The following MEAK7 variants were observed in gnomAD, a reference collection of about 807,000 sequenced individuals.
MEAK7 encodes MTOR-associated protein MEAK7.
Under a neutral mutation model 40.5 loss-of-function variants are expected in MEAK7, and 68 were observed. The observed-to-expected ratio is 1.68, with a 90% confidence interval of 1.38 to 2.06. MEAK7 has a LOEUF of 2.06. Ranked by LOEUF, MEAK7 falls within the 30% of genes most tolerant of loss-of-function variation. The pLI is 0.00. For synonymous variants in MEAK7, 338 were observed against 231.9 expected, an observed-to-expected ratio of 1.46 and a Z score of -4.16; for missense variants, 918 against 580.5, an observed-to-expected ratio of 1.58 and a Z score of -5.98.
intron 3 of MEAK7, among the ~76,000 whole-genome samples, chr16:84,490,597 A>C (rs1018185085): frequency 1.3e-5 from 2 of 150,478 alleles, no homozygotes; most frequent in Non-Finnish European, 3.0e-5. Context: ...AAAGATTTAA[A>C]ATGATTTTTT....
rs1912171366 is a variant in MEAK7 at position 84,477,666 on chromosome 16, G to C, written c.*2247C>G. On this transcript the variant is annotated 3_prime_UTR_variant, in exon 8 of 8. Coordinates refer to ENST00000343629, the MANE Select transcript of MEAK7 (RefSeq NM_020947.4). The stretch of plus-strand genomic sequence containing the variant: ...GGGAGACCTCTAGTCCTTAGAACCT[G>C]AATTCTCATTCTGGTTTCACAAAAG... The C allele has an allele frequency of 6.6e-6, 1 of 151,802 alleles. No homozygotes were observed. Among genetic ancestry groups the C allele is most frequent in the Non-Finnish European group, 1.5e-5 (1 of 68,014 alleles). The allele number at this position is 151,802 out of a possible 1,614,324, so 9.4% of individuals were successfully genotyped here. A position where few individuals can be genotyped will look rare whatever the true frequency, so the allele number is the denominator to read the frequency against.
At chr16:84,482,746 G>A (rs1367346520) in intron 5 of MEAK7, 36 bp from the exon 6 acceptor site, 3 of 1,611,804 alleles carry the variant, frequency 1.9e-6, no homozygotes, top group African/African-American at 1.3e-5. Context: ...AACAGGGTCG[G>A]TGTCTGAGCC....
rs1474569455 is a variant in MEAK7, at chr16:84,479,679, G to A, written c.*234C>T. On this transcript the variant is annotated 3_prime_UTR_variant, in exon 8 of 8. Coordinates refer to ENST00000343629, the MANE Select transcript of MEAK7 (RefSeq NM_020947.4). ...AAGATTTCTTGGAGAGATCCTGAGG[G>A]TGACCCTGTAGGGAAAAAAAGAAAA... 2 of 382,040 alleles carry A rather than the reference G, an allele frequency of 5.2e-6. No individual in the cohort carries two copies. Among genetic ancestry groups the A allele is most frequent in the Non-Finnish European group, 9.3e-6 (2 of 215,148 alleles). The allele number at this position is 382,040 out of a possible 1,614,324, so 23.7% of individuals were successfully genotyped here. A position where few individuals can be genotyped will look rare whatever the true frequency, so the allele number is the denominator to read the frequency against.
intron 2 of MEAK7, chr16:84,497,450 T>C: frequency 7.8e-7 from 1 of 1,289,588 alleles, no homozygotes; most frequent in Non-Finnish European, 1.0e-6. Flanking sequence ...ACCTGACACG[T>C]CATGGTTCCT....
At position 84,480,507 on chromosome 16, in the gene MEAK7, T is replaced by C. The variant is rs761231768; in HGVS notation, c.1257+22A>G. ...CCAGGCTCAAGGGGCCATCCTGGGA[T>C]GCAGAGGACAGCTCCACTCACCAAC... On this transcript the variant is annotated intron_variant, in intron 7 of 7. Coordinates refer to ENST00000343629, the MANE Select transcript of MEAK7 (RefSeq NM_020947.4). 5 of 1,578,036 alleles carry C rather than the reference T, an allele frequency of 3.2e-6. No homozygotes were observed. The Admixed American group carries it at 9.1e-5, about 29-fold the overall frequency.
At chr16:84,482,998 G>C (rs1050632904) in intron 5 of MEAK7, among the ~76,000 whole-genome samples, 1 of 152,208 alleles carries the variant, frequency 6.6e-6, no homozygotes, top group Admixed American at 6.5e-5. Context: ...ATCAGTTCAG[G>C]CTGGCCAAGC....
Position 84,494,253 on chromosome 16 carries a change from G to C in MEAK7, c.384+1430C>G, listed in dbSNP as rs73249757. Among the ~76,000 whole-genome samples, 1,270 of 152,228 alleles carry C rather than the reference G, an allele frequency of 8.3e-3. 20 individuals are homozygous for C. The highest frequency in any genetic ancestry group is 0.028 in the African/African-American group (1,157 of 41,524). ...GTCCTACTATGATTTTGTCTTTAAT[G>C]AAAGTGGGGAACTGAAGAGAGAAAA... On this transcript the variant is annotated intron_variant, in intron 3 of 7. Transcript: ENST00000343629.
At position 84,486,748 on chromosome 16, in the gene MEAK7, G is replaced by A. The variant is rs755637814; in HGVS notation, c.841C>T (p.Gln281Ter). 1.9e-6 allele frequency: 3 copies of A among 1,614,038 alleles called. No homozygotes were observed. The highest frequency in any genetic ancestry group is 1.1e-5 in the South Asian group (1 of 91,078). Reference protein sequence around the residue: ...SSELHGHSFSQLCGHITHRGP... With the variant: ...SSELHGHSFS ...CGGTGAGTGATGTGGCCACAGAGCTGGGAGAAGCTGTGTCCATGGAGCTCA... is the reference window on the plus strand; with the variant it reads ...CGGTGAGTGATGTGGCCACAGAGCTAGGAGAAGCTGTGTCCATGGAGCTCA... The change falls in exon 5 of 8, where the codon CAG becomes TAG. Residue 281 changes from glutamine (Q) to a stop codon, truncating the protein, a stop_gained. Transcript: ENST00000343629. LOFTEE classifies it high-confidence loss of function.
chr16:84,488,797 G>A (rs1380061292), intron 4 of MEAK7, among the ~76,000 whole-genome samples: 2 of 152,198 alleles, frequency 1.3e-5, no homozygotes, highest in African/African-American at 4.8e-5. Context: ...AGGCAGTGCT[G>A]AAAGGGAAAT....
intron 5 of MEAK7, among the ~76,000 whole-genome samples, chr16:84,485,663 C>T (rs77409714): frequency 0.011 from 1,619 of 149,726 alleles, 16 homozygotes; most frequent in Non-Finnish European, 0.017. Flanking sequence ...TCCATCCATC[C>T]ATCTATCTAC....
rs1255259621 is a variant in MEAK7 at position 84,489,330 on chromosome 16, G to T, written c.477C>A (p.Asn159Lys). ...GAGCAGCCAGCACCTGCACCCGGGG[G>T]TTGGGCCCTGGGGCTTCCTTCCCAG... ...GWTGKEAPGP[N>K]PRVQVLAAQL... The change falls in exon 4 of 8, where the codon AAC (asparagine) becomes AAA (lysine). Residue 159 changes from asparagine to lysine, a missense_variant. By Grantham distance (94) the Asn-to-Lys change is moderately conservative (BLOSUM62 0). Transcript: ENST00000343629. 4 of 1,614,176 alleles carry T rather than the reference G, an allele frequency of 2.5e-6. No homozygotes were observed. The highest frequency in any genetic ancestry group is 3.4e-6 in the Non-Finnish European group (4 of 1,180,028).
At chr16:84,498,859 T>TG (rs1412374722) in intron 1 of MEAK7, among the ~76,000 whole-genome samples, 1 of 152,208 alleles carries the variant, frequency 6.6e-6, no homozygotes, top group Non-Finnish European at 1.5e-5. Flanking sequence ...ACACACTAGT[T>TG]GGGAAGTTTT....
intron 4 of MEAK7, chr16:84,488,031 A>T (rs1320178774): frequency 1.3e-5 from 2 of 152,222 alleles, no homozygotes; most frequent in African/African-American, 4.8e-5. Flanking sequence ...TAAGCAGGAA[A>T]TGTAAAAGTA....
chr16:84,488,604 A>G (rs1913294512), intron 4 of MEAK7, among the ~76,000 whole-genome samples: 1 of 152,232 alleles, frequency 6.6e-6, no homozygotes, highest in Non-Finnish European at 1.5e-5. Context: ...CTCTAAACAT[A>G]ATGAAATATA....
At chr16:84,480,313 C>A (rs780141342) in intron 7 of MEAK7, among the ~76,000 whole-genome samples, 2 of 152,120 alleles carry the variant, frequency 1.3e-5, no homozygotes. Context: ...CTTGGGGAAC[C>A]CCCCTTCCCA....
Position 84,482,598 on chromosome 16 carries a change from G to C in MEAK7, c.1071C>G (p.Asn357Lys), listed in dbSNP as rs62640938. The change falls in exon 6 of 8, where the codon AAC (asparagine) becomes AAG (lysine). Residue 357 changes from asparagine to lysine, a missense_variant. By Grantham distance (94) the Asn-to-Lys change is moderately conservative. Coordinates refer to ENST00000343629, the MANE Select transcript of MEAK7 (RefSeq NM_020947.4). ...ACGCTCTGCCCGGGCTCACCAGTCCGTTCGGGATCGTCTGCTGTCCATGGT... is the reference window on the plus strand; with the variant it reads ...ACGCTCTGCCCGGGCTCACCAGTCCCTTCGGGATCGTCTGCTGTCCATGGT... Reference protein sequence around the residue: ...YLNHGQQTIPNGLGMGGQHNY... With the variant: ...YLNHGQQTIPKGLGMGGQHNY... 1.5e-5 allele frequency: 25 copies of C among 1,614,068 alleles called. No individual in the cohort carries two copies. The highest frequency in any genetic ancestry group is 2.1e-5 in the Non-Finnish European group (25 of 1,180,012).
At chr16:84,483,913 C>A (rs1343091916) in intron 5 of MEAK7, among the ~76,000 whole-genome samples, 1 of 152,184 alleles carries the variant, frequency 6.6e-6, no homozygotes, top group Non-Finnish European at 1.5e-5. Flanking sequence ...CCACTGGAAC[C>A]AGCTAAGTGA....
intron 5 of MEAK7, 87 bp downstream of exon 5, chr16:84,486,544 C>T: frequency 6.7e-7 from 1 of 1,500,616 alleles, no homozygotes; most frequent in East Asian, 2.3e-5. Context: ...TGGGAGAGCC[C>T]TATTTAGCAC....
In MEAK7 at chr16:84,490,654, A is replaced by ATGTGTGTGTGTGTGTGTGTG. The variant is rs35489449; in HGVS notation, c.385-1252_385-1233dup. 4.4e-3 allele frequency among the ~76,000 whole-genome samples: 607 copies of ATGTGTGTGTGTGTGTGTGTG among 137,568 alleles called. 9 individuals carry two copies. The highest frequency in any genetic ancestry group is 0.016 in the African/African-American group (564 of 36,090). 90.2% of individuals were successfully genotyped at this position (137,568 alleles called of 152,430 possible). On this transcript the variant is annotated intron_variant, in intron 3 of 7. Transcript: ENST00000343629. Reference sequence around the variant, plus strand: ...TCAGCTTAATTAAAAGCTAATCAAGATGTGTGTGTGTGTGTGTGTGTGTGT... The same window carrying ATGTGTGTGTGTGTGTGTGTG: ...TCAGCTTAATTAAAAGCTAATCAAGATGTGTGTGTGTGTGTGTGTGTGTGTGTGTGTGTGTGTGTGTGTGT...
Sources: allele counts gnomAD v4.1 joint callset (sites outside exome capture counted in the v4.1 genomes callset), GRCh38; gene constraint gnomAD v4.1.1; transcripts MANE v1.5; gene names NCBI Gene and HGNC (gene_info 2026-07-23, HGNC 2026-07-21).